The following OPCML variants were observed in gnomAD, a reference collection of about 807,000 sequenced individuals.
OPCML encodes opioid binding protein/cell adhesion molecule like, also known as opioid-binding protein/cell adhesion molecule.
OPCML carries 13 observed loss-of-function variants against 37.8 expected under a neutral mutation model. The observed-to-expected ratio is 0.34, with a 90% CI of 0.22 to 0.55. The LOEUF is 0.55. OPCML is among the 20% of genes least tolerant of loss of function. The probability of loss-of-function intolerance (pLI) is 0.91; values close to 1 mark genes in which losing one functional copy is unlikely to be tolerated. For missense variants in OPCML, 341 were observed against 435.6 expected (o/e 0.78, Z 1.93); for synonymous variants, 176 against 168.8 (o/e 1.04, Z -0.33).
intron 1 of OPCML, among the ~76,000 whole-genome samples, chr11:133,446,998 A>G (rs185985009): frequency 6.6e-6 from 1 of 152,228 alleles, no homozygotes; most frequent in South Asian, 2.1e-4. Context: ...GAACTTTTGC[A>G]TACAAGTCTC....
intron 1 of OPCML, among the ~76,000 whole-genome samples, chr11:133,131,363 C>T (rs562594465): frequency 6.6e-6 from 1 of 152,108 alleles, no homozygotes; most frequent in African/African-American, 2.4e-5. Context: ...ATGTAAAAAG[C>T]AAAACAGCAC....
intron 1 of OPCML, among the ~76,000 whole-genome samples, chr11:132,978,700 T>C (rs1017855072): frequency 1.3e-5 from 2 of 152,118 alleles, no homozygotes; most frequent in African/African-American, 4.8e-5. Flanking sequence ...GTCTCCATGT[T>C]CCCCCTTGGA....
intron 1 of OPCML, among the ~76,000 whole-genome samples, chr11:133,112,285 C>CAAAAAAAAAAA (rs370146450): frequency 2.0e-5 from 1 of 49,134 alleles, no homozygotes; most frequent in East Asian, 6.8e-4. Flanking sequence ...GACTCTTGGC[C>CAAAAAAAAAAA]AAAAAAAAAA....
intron 3 of OPCML, among the ~76,000 whole-genome samples, chr11:132,629,542 GAAGT>G (rs901521243): frequency 6.6e-6 from 1 of 152,128 alleles, no homozygotes; most frequent in African/African-American, 2.4e-5. Context: ...GAAACTTTCA[GAAGT>G]TAGTACCAAA....
At chr11:133,306,367 A>G (rs181218350) in intron 1 of OPCML, among the ~76,000 whole-genome samples, 1 of 152,314 alleles carries the variant, frequency 6.6e-6, no homozygotes, top group Admixed American at 6.5e-5. Context: ...AACAATGACA[A>G]TGTCATAACC....
chr11:133,151,790 T>C (rs1949991329), intron 1 of OPCML, among the ~76,000 whole-genome samples: 16 of 152,040 alleles, frequency 1.1e-4, no homozygotes, highest in Admixed American at 1.0e-3. Flanking sequence ...GAGGTGGGAA[T>C]CTTGGTCTAG....
intron 1 of OPCML, among the ~76,000 whole-genome samples, chr11:133,049,921 A>C (rs75774195): frequency 0.028 from 4,199 of 152,322 alleles, 95 homozygotes; most frequent in Non-Finnish European, 0.044. Context: ...CTCTTCTCTC[A>C]GTTATTCAGC....
chr11:132,744,723 A>G (rs1018927554), intron 2 of OPCML, among the ~76,000 whole-genome samples: 6 of 152,230 alleles, frequency 3.9e-5, no homozygotes, highest in African/African-American at 1.4e-4. Context: ...AGAACCCAAG[A>G]CAATATATAA....
At chr11:132,523,640 A>C (rs1262934931) in intron 4 of OPCML, among the ~76,000 whole-genome samples, 1 of 152,234 alleles carries the variant, frequency 6.6e-6, no homozygotes, top group Non-Finnish European at 1.5e-5. Context: ...ACAAGAATTT[A>C]AACAGTATTG....
chr11:132,993,001 G>A (rs561121873), intron 1 of OPCML, among the ~76,000 whole-genome samples: 12 of 152,288 alleles, frequency 7.9e-5, no homozygotes, highest in African/African-American at 1.2e-4. Flanking sequence ...TACAAGCACT[G>A]GTTAGTAGTG....
chr11:133,390,988 G>A (rs1945162696), intron 1 of OPCML, among the ~76,000 whole-genome samples: 1 of 152,142 alleles, frequency 6.6e-6, no homozygotes, highest in African/African-American at 2.4e-5. Context: ...AAAAACAAAC[G>A]GCTCCAATCA....
intron 1 of OPCML, among the ~76,000 whole-genome samples, chr11:133,015,972 C>G (rs1157590548): frequency 6.6e-6 from 1 of 152,182 alleles, no homozygotes; most frequent in African/African-American, 2.4e-5. Flanking sequence ...GAACCCTTTT[C>G]CATATCCAAG....
intron 4 of OPCML, among the ~76,000 whole-genome samples, chr11:132,470,303 C>T (rs1165713273): frequency 6.6e-6 from 1 of 151,906 alleles, no homozygotes; most frequent in Non-Finnish European, 1.5e-5. Flanking sequence ...GGGGTAAGGA[C>T]CCCAGGGCTT....
At chr11:133,016,361 C>T (rs753275803) in intron 1 of OPCML, among the ~76,000 whole-genome samples, 1 of 152,152 alleles carries the variant, frequency 6.6e-6, no homozygotes, top group Non-Finnish European at 1.5e-5. Context: ...GTCCTTGATT[C>T]CTTGATGGCT....
chr11:133,341,878 A>G (rs527813404), intron 1 of OPCML, among the ~76,000 whole-genome samples: 50 of 152,100 alleles, frequency 3.3e-4, no homozygotes, highest in South Asian at 1.9e-3. Flanking sequence ...AGATCGCGCC[A>G]TTGCACTCCA....
chr11:133,386,867 C>G (rs140179923), intron 1 of OPCML, among the ~76,000 whole-genome samples: 1 of 152,178 alleles, frequency 6.6e-6, no homozygotes, highest in South Asian at 2.1e-4. Flanking sequence ...CACGGTGACA[C>G]TTAGGGGTGT....
intron 1 of OPCML, among the ~76,000 whole-genome samples, chr11:133,220,802 C>T (rs1380273418): frequency 1.3e-5 from 2 of 152,076 alleles, no homozygotes; most frequent in Admixed American, 1.3e-4. Flanking sequence ...CTTCGGGAGC[C>T]TCTAAATGCT....
intron 1 of OPCML, among the ~76,000 whole-genome samples, chr11:133,116,267 A>T (rs187126150): frequency 6.5e-4 from 99 of 152,338 alleles, no homozygotes; most frequent in African/African-American, 2.4e-3. Flanking sequence ...GCACCCGGCC[A>T]AGGGCATTAT....
chr11:132,921,966 G>A (rs1245375644), intron 2 of OPCML, among the ~76,000 whole-genome samples: 3 of 151,546 alleles, frequency 2.0e-5, no homozygotes, highest in Admixed American at 1.3e-4. Flanking sequence ...TGCAACCTTC[G>A]CCTCGCAGGT....
Sources: gnomAD v4.1 joint callset for allele counts (sites outside exome capture counted in the v4.1 genomes callset) on GRCh38, gnomAD v4.1.1 for gene constraint, MANE v1.5 for transcripts, NCBI Gene and HGNC (gene_info 2026-07-23, HGNC 2026-07-21) for gene names.